KIRREL1: variants seen among roughly 807,000 people sequenced by gnomAD.
KIRREL1 encodes kirre like nephrin family adhesion molecule 1.
In KIRREL1, 25 loss-of-function variants were observed where a neutral mutation model predicts 83.3. The ratio of observed to expected loss-of-function variants is 0.30; its 90% CI spans 0.22 to 0.42. The LOEUF is 0.42. Among genes scored for constraint, KIRREL1 ranks in the 10% least tolerant of loss-of-function variants. The probability of loss-of-function intolerance (pLI) is 1.00; values close to 1 mark genes in which losing one functional copy is unlikely to be tolerated. For synonymous variants in KIRREL1, 388 were observed against 410.4 expected (o/e 0.95, Z 0.66); for missense variants, 812 against 1,032.3 (o/e 0.79, Z 2.92).
At chr1:158,045,898 G>A (rs957305145) in intron 1 of KIRREL1, among the ~76,000 whole-genome samples, 8 of 152,288 alleles carry the variant, frequency 5.3e-5, no homozygotes, top group East Asian at 1.9e-4. Context: ...GAAGTTCCAC[G>A]AGTTTAAAAC....
chr1:158,000,569 A>T (rs1311431146), intron 1 of KIRREL1, among the ~76,000 whole-genome samples: 1 of 152,230 alleles, frequency 6.6e-6, no homozygotes, highest in Non-Finnish European at 1.5e-5. Context: ...TTCTTGGAGC[A>T]TCCAGGATAA....
chr1:158,052,581 C>T (rs908604416), intron 1 of KIRREL1, among the ~76,000 whole-genome samples: 1 of 151,292 alleles, frequency 6.6e-6, no homozygotes, highest in African/African-American at 2.4e-5. Context: ...AGATCGAGAC[C>T]ATCCTGGCTA....
chr1:158,042,237 G>C (rs1377601113), intron 1 of KIRREL1, among the ~76,000 whole-genome samples: 2 of 151,422 alleles, frequency 1.3e-5, no homozygotes, highest in Admixed American at 1.3e-4. Flanking sequence ...GTGTGTGTGT[G>C]TGTGTGTGTG....
intron 1 of KIRREL1, among the ~76,000 whole-genome samples, chr1:158,016,132 C>G (rs1462229896): frequency 6.6e-6 from 1 of 151,978 alleles, no homozygotes; most frequent in Non-Finnish European, 1.5e-5. Flanking sequence ...GGTGAAACCC[C>G]ATCTCTACTA....
At position 158,099,572 on chromosome 1, in the gene KIRREL1, G is replaced by A. The variant is rs977636308; in HGVS notation, c.*4452G>A. 6.6e-6 allele frequency: 1 copy of A among 152,154 alleles called. No homozygotes were observed. The highest frequency in any genetic ancestry group is 1.5e-5 in the Non-Finnish European group (1 of 68,050). The allele number at this position is 152,154 out of a possible 1,614,324, so 9.4% of individuals were successfully genotyped here. On this transcript the variant is annotated 3_prime_UTR_variant, in exon 15 of 15. Coordinates refer to ENST00000359209, the MANE Select transcript of KIRREL1 (RefSeq NM_018240.7). ...GGTAGCTTCAGGCCCTGTCCCTGGAGAAATAATTGCTGCGCAGAAGTCACA... is the reference window on the plus strand; with the variant it reads ...GGTAGCTTCAGGCCCTGTCCCTGGAAAAATAATTGCTGCGCAGAAGTCACA...
In KIRREL1 at chr1:158,093,611, C is replaced by T. The variant is rs1412653121; in HGVS notation, c.1580-12C>T. The T allele has an allele frequency of 6.2e-7, 1 of 1,614,104 alleles. No homozygotes were observed. The highest frequency in any genetic ancestry group is 1.1e-5 in the South Asian group (1 of 91,074). On this transcript the variant is annotated splice_polypyrimidine_tract_variant and intron_variant, in intron 12 of 14. Transcript: ENST00000359209. ...AGGAAGCACTTGTTCCAGGCTGCCT[C>T]TCCCGTCCCAGGTCGCAAAGACGTG...
chr1:158,049,255 T>C (rs1660853070), intron 1 of KIRREL1, among the ~76,000 whole-genome samples: 1 of 152,212 alleles, frequency 6.6e-6, no homozygotes, highest in Non-Finnish European at 1.5e-5. Context: ...GAGCTTATAG[T>C]TCAGAGCTTC....
chr1:158,005,732 G>T (rs1033181553), intron 1 of KIRREL1, among the ~76,000 whole-genome samples: 3 of 152,058 alleles, frequency 2.0e-5, no homozygotes, highest in African/African-American at 7.3e-5. Flanking sequence ...TGCATGATTT[G>T]GGGGAGCAGT....
At chr1:158,011,768 G>T (rs1299095717) in intron 1 of KIRREL1, among the ~76,000 whole-genome samples, 3 of 152,174 alleles carry the variant, frequency 2.0e-5, no homozygotes, top group Admixed American at 6.5e-5. Flanking sequence ...AGGACCGGAG[G>T]GCAGCAGTGG....
At chr1:158,036,398 G>A (rs1050254485) in intron 1 of KIRREL1, among the ~76,000 whole-genome samples, 1 of 152,160 alleles carries the variant, frequency 6.6e-6, no homozygotes, top group Non-Finnish European at 1.5e-5. Context: ...TGGAGAATAT[G>A]CAGCTTTTTT....
chr1:158,060,338 C>T (rs530457618), intron 1 of KIRREL1, among the ~76,000 whole-genome samples: 49 of 152,320 alleles, frequency 3.2e-4, no homozygotes, highest in African/African-American at 1.1e-3. Flanking sequence ...GAGCCAATTT[C>T]ACCCATTCCC....
chr1:158,050,871 A>C (rs987819188), intron 1 of KIRREL1, among the ~76,000 whole-genome samples: 1 of 152,194 alleles, frequency 6.6e-6, no homozygotes, highest in African/African-American at 2.4e-5. Context: ...TGAAAAATGC[A>C]GTCAGATATT....
At chr1:158,068,640 T>C (rs1308433688) in intron 1 of KIRREL1, among the ~76,000 whole-genome samples, 1 of 152,196 alleles carries the variant, frequency 6.6e-6, no homozygotes, top group Non-Finnish European at 1.5e-5. Context: ...TCTTGCCTTC[T>C]CTTCTCCTCT....
chr1:158,080,614 T>A (rs890863780), intron 3 of KIRREL1, among the ~76,000 whole-genome samples: 7 of 151,982 alleles, frequency 4.6e-5, no homozygotes, highest in African/African-American at 2.4e-5. Context: ...ACAGGGACGG[T>A]TAGTGCAGCT....
At chr1:158,013,349 G>A (rs923394432) in intron 1 of KIRREL1, among the ~76,000 whole-genome samples, 3 of 152,152 alleles carry the variant, frequency 2.0e-5, no homozygotes, top group African/African-American at 7.2e-5. Flanking sequence ...CAGAGTGGAC[G>A]GAGGACCTGA....
Position 158,089,767 on chromosome 1 carries a change from C to T in KIRREL1, c.1221C>T (p.Asp407=), listed in dbSNP as rs543383113. Residue 407 remains aspartate, a synonymous_variant, in exon 10 of 15, where the codon GAC becomes GAT. Transcript: ENST00000359209. ...CAGTGCAGTATGCTGTGAGGGGTGA[C>T]GGTGGCAAGGTGGAGTGTTTCATTG... is the stretch of plus-strand genomic sequence containing the variant. ...SEAVQYAVRG[D]GGKVECFIGS... is the part of the protein sequence containing the mutation. The T allele has an allele frequency of 1.9e-5, 30 of 1,614,114 alleles. No individual in the cohort carries two copies. The highest frequency in any genetic ancestry group is 9.3e-5 in the African/African-American group (7 of 75,008).
chr1:158,005,725 A>G (rs1479294747), intron 1 of KIRREL1, among the ~76,000 whole-genome samples: 2 of 152,256 alleles, frequency 1.3e-5, no homozygotes, highest in Non-Finnish European at 2.9e-5. Context: ...AATTGGGTGC[A>G]TGATTTGGGG....
chr1:158,094,011 G>A lies in KIRREL1; in HGVS notation c.1719+249G>A, dbSNP rs1297041952. Among the ~76,000 whole-genome samples the A allele has an allele frequency of 1.3e-5, 2 of 152,382 alleles. No individual in the cohort carries two copies. Among genetic ancestry groups the A allele is most frequent in the African/African-American group, 4.8e-5 (2 of 41,588 alleles). On this transcript the variant is annotated intron_variant, in intron 13 of 14. Coordinates refer to ENST00000359209, the MANE Select transcript of KIRREL1 (RefSeq NM_018240.7). This position sits in a 1 kb window ranked among gnomAD's most constrained non-coding sequence, Gnocchi z 4.6. ...GCCCCACAGTGTGTGAAAGTTGGAA[G>A]CCCCCAGAGGCTTTCTGGTCCATCT...
chr1:158,049,495 A>G (rs532015569), intron 1 of KIRREL1, among the ~76,000 whole-genome samples: 71 of 152,288 alleles, frequency 4.7e-4, no homozygotes, highest in African/African-American at 1.7e-3. Context: ...CTAGAAGGTA[A>G]AGTGCACGTT....
Sources: gnomAD v4.1 joint callset for allele counts (sites outside exome capture counted in the v4.1 genomes callset) on GRCh38, gnomAD v4.1.1 for gene constraint, Gnocchi (gnomAD v3.1) non-coding constraint, MANE v1.5 for transcripts, NCBI Gene and HGNC (gene_info 2026-07-23, HGNC 2026-07-21) for gene names.